Variants in SPIN1 observed in about 807,000 individuals in gnomAD.
SPIN1 encodes spindlin-1.
A neutral mutation model predicts 26.0 loss-of-function variants in SPIN1; 3 were observed. The ratio of observed to expected loss-of-function variants is 0.12; its 90% CI spans 0.05 to 0.30. The LOEUF (loss-of-function observed/expected upper bound fraction) is 0.30, where lower values mean the gene tolerates loss of function less well. Ranked by LOEUF, SPIN1 falls within the 10% of genes least tolerant of loss-of-function variation. The pLI, the probability that SPIN1 is intolerant of heterozygous loss-of-function variation, is 1.00. For synonymous variants in SPIN1, 101 were observed against 116.5 expected, an observed-to-expected ratio of 0.87 and a Z score of 0.86; for missense variants, 126 against 333.4, an observed-to-expected ratio of 0.38 and a Z score of 4.84.
chr9:88,395,383 A>C (rs1037157168), intron 1 of SPIN1, among the ~76,000 whole-genome samples: 1 of 151,950 alleles, frequency 6.6e-6, no homozygotes, highest in African/African-American at 2.4e-5. Context: ...CCTTTTACTT[A>C]ATTTATTCTG....
chr9:88,436,866 G>A (rs1210359509), intron 2 of SPIN1, among the ~76,000 whole-genome samples: 3 of 142,630 alleles, frequency 2.1e-5, no homozygotes, highest in Admixed American at 7.6e-5. Context: ...CCGGGTTCAC[G>A]CCATTCTCCT....
intron 2 of SPIN1, among the ~76,000 whole-genome samples, chr9:88,428,032 T>A (rs1402720721): frequency 1.3e-5 from 2 of 152,180 alleles, no homozygotes; most frequent in Non-Finnish European, 2.9e-5. Flanking sequence ...TATTTTTATT[T>A]CTTCTCATTA....
rs138945431 is a variant in SPIN1 at position 88,440,503 on chromosome 9, T to C, written c.53-8438T>C. Among the ~76,000 whole-genome samples the C allele has an allele frequency of 2.7e-3, 414 of 152,258 alleles. 3 individuals carry two copies. Among genetic ancestry groups the C allele is most frequent in the African/African-American group, 9.3e-3 (385 of 41,550 alleles). ...TTAGTGATTGCCCTGTAGTTTGCGA[T>C]ATATATTTACAAGTAATCCAAGTCT... On this transcript the variant is annotated intron_variant, in intron 2 of 5. Coordinates refer to ENST00000375859, the MANE Select transcript of SPIN1 (RefSeq NM_006717.3).
intron 3 of SPIN1, among the ~76,000 whole-genome samples, chr9:88,458,922 G>A (rs376611564): frequency 2.0e-5 from 3 of 152,226 alleles, no homozygotes; most frequent in East Asian, 1.9e-4. Flanking sequence ...CATAGTCTGC[G>A]ATCCAAATGT....
chr9:88,456,726 C>G (rs147302380), intron 3 of SPIN1, among the ~76,000 whole-genome samples: 9 of 152,084 alleles, frequency 5.9e-5, no homozygotes, highest in African/African-American at 2.2e-4. Flanking sequence ...TCTACAAATA[C>G]GAACACCAAG....
intron 3 of SPIN1, chr9:88,457,734 G>A: frequency 1.5e-6 from 1 of 688,828 alleles, no homozygotes; most frequent in Non-Finnish European, 1.8e-6. Context: ...ATAATTTGAG[G>A]CTTGCAAAAA....
chr9:88,414,982 CAA>C (rs1827529305), intron 1 of SPIN1, among the ~76,000 whole-genome samples: 1 of 152,118 alleles, frequency 6.6e-6, no homozygotes, highest in Non-Finnish European at 1.5e-5. Context: ...CGGCTCACTG[CAA>C]CCTCCACCTC....
Position 88,475,997 on chromosome 9 carries a change from A to AG in SPIN1, c.*720_*721insG. ...AAGTCCAAATATGAATTATTTGTGA[A>AG]CAGTTAATGACCCATATTAGAATTT... On this transcript the variant is annotated 3_prime_UTR_variant, in exon 6 of 6. Coordinates refer to ENST00000375859, the MANE Select transcript of SPIN1 (RefSeq NM_006717.3). 1 of 152,334 alleles carries AG rather than the reference A, an allele frequency of 6.6e-6. No homozygotes were observed. The highest frequency in any genetic ancestry group is 2.4e-5 in the African/African-American group (1 of 41,578). The allele number at this position is 152,334 out of a possible 1,614,324, so 9.4% of individuals were successfully genotyped here.
At chr9:88,409,072 C>A (rs1051700656) in intron 1 of SPIN1, among the ~76,000 whole-genome samples, 1 of 150,498 alleles carries the variant, frequency 6.6e-6, no homozygotes, top group South Asian at 2.1e-4. Flanking sequence ...CTCGGCTCAT[C>A]GCAACCTCCA....
chr9:88,468,920 G>A (rs1364067161), intron 5 of SPIN1, among the ~76,000 whole-genome samples: 1 of 152,106 alleles, frequency 6.6e-6, no homozygotes, highest in Non-Finnish European at 1.5e-5. Flanking sequence ...ATACGTCCCC[G>A]TGTACCCTGC....
Position 88,406,005 on chromosome 9 carries a change from CTGTGTGTGTGTGTGTG to C in SPIN1, c.-159+17489_-159+17504del, listed in dbSNP as rs745317937. Among the ~76,000 whole-genome samples the C allele has an allele frequency of 7.6e-4, 79 of 103,366 alleles. 2 individuals are homozygous for C. Among genetic ancestry groups the C allele is most frequent in the African/African-American group, 4.9e-3 (77 of 15,874 alleles). The allele number at this position is 103,366 out of a possible 152,430, so 67.8% of individuals were successfully genotyped here. ...ATGCCACCGTGCCTGGCTTGTGTGTCTGTGTGTGTGTGTGTGTGTGTGTGTGTGTGTGTGTGTACGT... is the reference window on the plus strand; with the variant it reads ...ATGCCACCGTGCCTGGCTTGTGTGTCTGTGTGTGTGTGTGTGTGTGTACGT... On this transcript the variant is annotated intron_variant, in intron 1 of 5. Coordinates refer to ENST00000375859, the MANE Select transcript of SPIN1 (RefSeq NM_006717.3).
chr9:88,453,165 A>G (rs978842937), intron 3 of SPIN1, among the ~76,000 whole-genome samples: 6 of 151,716 alleles, frequency 4.0e-5, no homozygotes, highest in South Asian at 4.2e-4. Flanking sequence ...TATTTTCCCA[A>G]TAAGCCTTTT....
intron 1 of SPIN1, among the ~76,000 whole-genome samples, chr9:88,397,231 A>G (rs1827084741): frequency 6.6e-6 from 1 of 152,120 alleles, no homozygotes; most frequent in Non-Finnish European, 1.5e-5. Flanking sequence ...TTTAAATAAC[A>G]CGTAGCTTAA....
At chr9:88,442,076 C>T (rs1355141086) in intron 2 of SPIN1, among the ~76,000 whole-genome samples, 1 of 151,076 alleles carries the variant, frequency 6.6e-6, no homozygotes, top group Non-Finnish European at 1.5e-5. Flanking sequence ...CTCAGCCTCC[C>T]AAGTAGCTAG....
rs1434002749 is a variant in SPIN1 at position 88,468,449 on chromosome 9, G to A, written c.433G>A (p.Asp145Asn). 6.2e-7 allele frequency: 1 copy of A among 1,613,444 alleles called. No homozygotes were observed. Among genetic ancestry groups the A allele is most frequent in the East Asian group, 2.2e-5 (1 of 44,816 alleles). Reference protein sequence around the residue: ...KAVEHMFETEDGSKDEWRGMV... With the variant: ...KAVEHMFETENGSKDEWRGMV... ...AGTGGAACATATGTTTGAGACAGAG[G>A]ATGGTTCTAAAGATGAGTGGAGGGG... Residue 145 changes from aspartate (D) to asparagine (N), a missense_variant, in exon 5 of 6, where the codon GAT (aspartate) becomes AAT (asparagine). Around this residue, in one of 7 missense-constraint regions of SPIN1, gnomAD observed 10 missense variants for 44.5 expected, o/e 0.22. Coordinates refer to ENST00000375859, the MANE Select transcript of SPIN1 (RefSeq NM_006717.3).
intron 2 of SPIN1, among the ~76,000 whole-genome samples, chr9:88,433,629 G>A (rs768357755): frequency 5.9e-5 from 9 of 152,240 alleles, no homozygotes; most frequent in East Asian, 5.8e-4. Flanking sequence ...ATTGTCAGGT[G>A]TCCTCCATAG....
At chr9:88,390,619 A>G (rs992471940) in intron 1 of SPIN1, among the ~76,000 whole-genome samples, 11 of 152,330 alleles carry the variant, frequency 7.2e-5, no homozygotes, top group African/African-American at 2.6e-4. Flanking sequence ...TGCTTAATTC[A>G]ATGTGTCTTC....
chr9:88,473,663 ACG>A (rs1828835640), intron 5 of SPIN1, among the ~76,000 whole-genome samples: 7 of 151,506 alleles, frequency 4.6e-5, no homozygotes, highest in African/African-American at 1.2e-4. Flanking sequence ...GTGTGTGTGC[ACG>A]CGCTATGGAA....
chr9:88,440,630 G>T (rs1828102426), intron 2 of SPIN1, among the ~76,000 whole-genome samples: 1 of 149,230 alleles, frequency 6.7e-6, no homozygotes, highest in African/African-American at 2.6e-5. Context: ...CCAGGCTGGA[G>T]TGCAGTGGTG....
Sources: allele counts gnomAD v4.1 joint callset (sites outside exome capture counted in the v4.1 genomes callset), GRCh38; gene constraint gnomAD v4.1.1; regional missense constraint gnomAD v4.1.1; transcripts MANE v1.5; gene names NCBI Gene and HGNC (gene_info 2026-07-23, HGNC 2026-07-21).